AP5M1: variants seen among roughly 807,000 people sequenced by gnomAD.
The protein encoded by AP5M1 is adaptor related protein complex 5 subunit mu 1.
In AP5M1, 44 loss-of-function variants were observed where a neutral mutation model predicts 52.3. The ratio of observed to expected loss-of-function variants is 0.84; its 90% CI spans 0.66 to 1.08. AP5M1 has a LOEUF of 1.08. Among genes scored for constraint, AP5M1 ranks in the 50% least tolerant of loss-of-function variants. The pLI, the probability that AP5M1 is intolerant of heterozygous loss-of-function variation, is 0.00. For missense variants in AP5M1, 526 were observed against 568.4 expected, an observed-to-expected ratio of 0.93 and a Z score of 0.76; for synonymous variants, 213 against 199.0, an observed-to-expected ratio of 1.07 and a Z score of -0.59.
At chr14:57,273,622 T>C in intron 1 of AP5M1, 1 of 653,016 alleles carries the variant, frequency 1.5e-6, no homozygotes, top group Non-Finnish European at 2.8e-6. Flanking sequence ...AACATTCTGA[T>C]TTTATTCTTT....
At chr14:57,281,128 C>G (rs1257917036) in intron 3 of AP5M1, among the ~76,000 whole-genome samples, 1 of 151,976 alleles carries the variant, frequency 6.6e-6, no homozygotes, top group African/African-American at 2.4e-5. Context: ...AGACATTGTC[C>G]TAAGCACTTT....
intron 7 of AP5M1, among the ~76,000 whole-genome samples, chr14:57,288,432 C>T (rs1172806822): frequency 3.3e-5 from 5 of 151,734 alleles, no homozygotes; most frequent in Non-Finnish European, 7.4e-5. Context: ...ATAGCAAGAC[C>T]CAGAATCAGG....
chr14:57,286,574 T>A, intron 7 of AP5M1: 1 of 315,616 alleles, frequency 3.2e-6, no homozygotes, highest in East Asian at 5.9e-5. Flanking sequence ...GGATTTGTTT[T>A]TCTCTGGTTA....
Position 57,295,083 on chromosome 14 carries a change from AGTT to A in AP5M1, c.*6203_*6205del, listed in dbSNP as rs1885521390. 1 of 151,872 alleles carries A rather than the reference AGTT, an allele frequency of 6.6e-6. No homozygotes were observed. The highest frequency in any genetic ancestry group is 2.1e-4 in the South Asian group (1 of 4,820). The allele number at this position is 151,872 out of a possible 1,614,324, so 9.4% of individuals were successfully genotyped here. ...CATCACCATCCTGTGGAAATACGTG[AGTT>A]GTTCATTTCAGTACACCCATAGTTT... On this transcript the variant is annotated 3_prime_UTR_variant, in exon 8 of 8. Coordinates refer to ENST00000261558, the MANE Select transcript of AP5M1 (RefSeq NM_018229.4).
chr14:57,273,526 C>G (rs953622389), intron 1 of AP5M1, among the ~76,000 whole-genome samples: 1 of 152,174 alleles, frequency 6.6e-6, no homozygotes, highest in Non-Finnish European at 1.5e-5. Flanking sequence ...TAACAGATTT[C>G]TGTAAATAAG....
At position 57,291,791 on chromosome 14, in the gene AP5M1, T is replaced by C. The variant is rs890844236; in HGVS notation, c.*2907T>C. The stretch of plus-strand genomic sequence containing the variant: ...AACAATTGCCAATTTTTTTTTCTGG[T>C]TTTTGTTGTAGTATTTCAAAATACT... On this transcript the variant is annotated 3_prime_UTR_variant, in exon 8 of 8. Transcript: ENST00000261558. 1 of 151,746 alleles carries C rather than the reference T, an allele frequency of 6.6e-6. No individual in the cohort carries two copies. The highest frequency in any genetic ancestry group is 1.5e-5 in the Non-Finnish European group (1 of 67,812). 9.4% of individuals were successfully genotyped at this position (151,746 alleles called of 1,614,324 possible).
At position 57,291,687 on chromosome 14, in the gene AP5M1, A is replaced by G. The variant is rs1405545577; in HGVS notation, c.*2803A>G. 6.6e-6 allele frequency: 1 copy of G among 151,844 alleles called. No individual in the cohort carries two copies. The highest frequency in any genetic ancestry group is 2.4e-5 in the African/African-American group (1 of 41,402). 9.4% of individuals were successfully genotyped at this position (151,844 alleles called of 1,614,324 possible). On this transcript the variant is annotated 3_prime_UTR_variant, in exon 8 of 8. Coordinates refer to ENST00000261558, the MANE Select transcript of AP5M1 (RefSeq NM_018229.4). ...TTCATTTTTTTCACACCAATTCAGT[A>G]TTTCTACTAGGTTAAAATTATGGTG...
At position 57,294,968 on chromosome 14, in the gene AP5M1, T is replaced by C. The variant is rs1206531033; in HGVS notation, c.*6084T>C. On this transcript the variant is annotated 3_prime_UTR_variant, in exon 8 of 8. Coordinates refer to ENST00000261558, the MANE Select transcript of AP5M1 (RefSeq NM_018229.4). Reference sequence around the variant, plus strand: ...ATTTCTTATTTTTTAAAAAAGTGAGTACTCAACAGATAATACTTTGGTACT... The same window carrying C: ...ATTTCTTATTTTTTAAAAAAGTGAGCACTCAACAGATAATACTTTGGTACT... The C allele has an allele frequency of 1.3e-5, 2 of 151,874 alleles. No homozygotes were observed. Among genetic ancestry groups the C allele is most frequent in the African/African-American group, 4.8e-5 (2 of 41,384 alleles). 9.4% of individuals were successfully genotyped at this position (151,874 alleles called of 1,614,324 possible). A position where few individuals can be genotyped will look rare whatever the true frequency, so the allele number is the denominator to read the frequency against.
At position 57,290,655 on chromosome 14, in the gene AP5M1, G is replaced by A. The variant is rs749672139; in HGVS notation, c.*1771G>A. 10 of 151,794 alleles carry A rather than the reference G, an allele frequency of 6.6e-5. No individual in the cohort carries two copies. The highest frequency in any genetic ancestry group is 1.2e-4 in the Non-Finnish European group (8 of 67,870). 9.4% of individuals were successfully genotyped at this position (151,794 alleles called of 1,614,324 possible). ...TTCTAGAAACCGGAGGAAAATCTAGGGTGTCCTGGAAAAGTGATGAGGTGT... is the reference window on the plus strand; with the variant it reads ...TTCTAGAAACCGGAGGAAAATCTAGAGTGTCCTGGAAAAGTGATGAGGTGT... On this transcript the variant is annotated 3_prime_UTR_variant, in exon 8 of 8. Transcript: ENST00000261558.
At chr14:57,273,808 A>G in intron 1 of AP5M1, 1 of 691,452 alleles carries the variant, frequency 1.4e-6, no homozygotes, top group Non-Finnish European at 2.6e-6. Context: ...TGAATCCAAA[A>G]TTATGGAGGG....
intron 7 of AP5M1, among the ~76,000 whole-genome samples, chr14:57,287,579 T>C (rs1885339496): frequency 6.6e-6 from 1 of 152,118 alleles, no homozygotes; most frequent in Non-Finnish European, 1.5e-5. Flanking sequence ...GAGAACATAA[T>C]ACAAGATAGG....
rs1429293904 is a variant in AP5M1, at chr14:57,297,270, A to G, written c.*8386A>G. 6.6e-6 allele frequency: 1 copy of G among 152,056 alleles called. No homozygotes were observed. Among genetic ancestry groups the G allele is most frequent in the Non-Finnish European group, 1.5e-5 (1 of 68,002 alleles). 9.4% of individuals were successfully genotyped at this position (152,056 alleles called of 1,614,324 possible). On this transcript the variant is annotated 3_prime_UTR_variant, in exon 8 of 8. Coordinates refer to ENST00000261558, the MANE Select transcript of AP5M1 (RefSeq NM_018229.4). ...AAAAAAACTCCTACATACTAACTAT[A>G]TGTTTCTCCCACTGATTCCCCTCCT...
At chr14:57,285,453 T>G (rs1885283644) in intron 6 of AP5M1, among the ~76,000 whole-genome samples, 1 of 152,188 alleles carries the variant, frequency 6.6e-6, no homozygotes, top group Non-Finnish European at 1.5e-5. Context: ...TGGAAATCAG[T>G]CTTGTCATAA....
chr14:57,274,130 C>T (rs773614402), intron 1 of AP5M1, 114 bp from the exon 2 acceptor site: 100 of 1,157,358 alleles, frequency 8.6e-5, no homozygotes, highest in Non-Finnish European at 1.1e-4. Flanking sequence ...ATTTGTTTCT[C>T]GTGTATTTTA....
intron 7 of AP5M1, among the ~76,000 whole-genome samples, chr14:57,287,933 A>C (rs1885346433): frequency 6.6e-6 from 1 of 152,100 alleles, no homozygotes; most frequent in East Asian, 1.9e-4. Context: ...AGATGAGGAC[A>C]CTGATGGAAC....
Position 57,269,286 on chromosome 14 carries a change from A to T in AP5M1, c.-29A>T, listed in dbSNP as rs760235201. ...TTCCTCGGTGGCGACCTTAATTATG[A>T]GATGAGCTAATGCTTTACTGACTTA... On this transcript the variant is annotated 5_prime_UTR_variant, in exon 1 of 8. It introduces an in-frame stop codon into an upstream open reading frame of the 5' UTR. Coordinates refer to ENST00000261558, the MANE Select transcript of AP5M1 (RefSeq NM_018229.4). 2.2e-5 allele frequency: 35 copies of T among 1,611,020 alleles called. No homozygotes were observed. The highest frequency in any genetic ancestry group is 3.0e-5 in the Non-Finnish European group (35 of 1,177,940).
chr14:57,283,575 G>A (rs1275695431), intron 6 of AP5M1, among the ~76,000 whole-genome samples: 1 of 152,076 alleles, frequency 6.6e-6, no homozygotes, highest in African/African-American at 2.4e-5. Flanking sequence ...ACAACAGAGT[G>A]CGACCAGATC....
At position 57,295,680 on chromosome 14, in the gene AP5M1, T is replaced by G. The variant is rs1483351840; in HGVS notation, c.*6796T>G. 1 of 151,558 alleles carries G rather than the reference T, an allele frequency of 6.6e-6. No homozygotes were observed. The highest frequency in any genetic ancestry group is 1.5e-5 in the Non-Finnish European group (1 of 67,766). 9.4% of individuals were successfully genotyped at this position (151,558 alleles called of 1,614,324 possible). The stretch of plus-strand genomic sequence containing the variant: ...GTGCCAAACTTAATGTTACCTTCTC[T>G]GCTAAAGATTTTTGTCTCTAGGAAA... On this transcript the variant is annotated 3_prime_UTR_variant, in exon 8 of 8. Transcript: ENST00000261558.
In AP5M1 at chr14:57,274,398, C is replaced by G; in HGVS notation, c.229C>G (p.Arg77Gly). 6.2e-7 allele frequency: 1 copy of G among 1,614,078 alleles called. No homozygotes were observed. Among genetic ancestry groups the G allele is most frequent in the East Asian group, 2.2e-5 (1 of 44,882 alleles). Residue 77 changes from arginine to glycine, a missense_variant, in exon 2 of 8, where the codon CGC becomes GGC. Arg to Gly is a moderately radical substitution (Grantham distance 125). This residue lies in a region of AP5M1 where 425 missense variants were observed against 430.6 expected (regional missense o/e 0.99). Transcript: ENST00000261558. ...DFVESRDSCS[R>G]INKTSIYGLL... The stretch of plus-strand genomic sequence containing the variant: ...CGTTGAGAGTCGTGATAGCTGTTCA[C>G]GCATCAATAAAACATCCATTTATGG...
Sources: gnomAD v4.1 joint callset for allele counts (sites outside exome capture counted in the v4.1 genomes callset) on GRCh38, gnomAD v4.1.1 for gene constraint, gnomAD v4.1.1 regional missense constraint, MANE v1.5 for transcripts, NCBI Gene and HGNC (gene_info 2026-07-23, HGNC 2026-07-21) for gene names.